The following RNF182 variants were observed in gnomAD, a reference collection of about 807,000 sequenced individuals.
RNF182 encodes ring finger protein 182, also known as E3 ubiquitin-protein ligase RNF182.
Under a neutral mutation model 14.4 loss-of-function variants are expected in RNF182, and 15 were observed. That is an observed-to-expected ratio of 1.04 (90% CI 0.70 to 1.60). The LOEUF (loss-of-function observed/expected upper bound fraction) is 1.60, where lower values mean the gene tolerates loss of function less well. RNF182 is among the 40% of genes most tolerant of loss of function. RNF182 has a pLI of 0.00. For synonymous variants in RNF182, 128 were observed against 122.9 expected (o/e 1.04, Z -0.27); for missense variants, 268 against 294.8 (o/e 0.91, Z 0.67).
intron 1 of RNF182, among the ~76,000 whole-genome samples, chr6:13,939,006 C>T (rs1759215213): frequency 6.6e-6 from 1 of 152,128 alleles, no homozygotes; most frequent in Non-Finnish European, 1.5e-5. Context: ...TTGCTTGAAC[C>T]CAGGAGGCAG....
At chr6:13,941,332 C>G (rs1260712872) in intron 1 of RNF182, among the ~76,000 whole-genome samples, 2 of 152,112 alleles carry the variant, frequency 1.3e-5, no homozygotes, top group Admixed American at 6.5e-5. Flanking sequence ...TCTTGACTTA[C>G]TGTCTACAGG....
At chr6:13,946,454 C>T (rs896467076) in intron 1 of RNF182, among the ~76,000 whole-genome samples, 1 of 152,126 alleles carries the variant, frequency 6.6e-6, no homozygotes, top group Non-Finnish European at 1.5e-5. Context: ...CATGAGCCAC[C>T]GTACCTGACT....
At chr6:13,933,827 G>T (rs781537355) in intron 1 of RNF182, among the ~76,000 whole-genome samples, 1 of 152,056 alleles carries the variant, frequency 6.6e-6, no homozygotes, top group Non-Finnish European at 1.5e-5. Flanking sequence ...AGACCAACCT[G>T]GCCAATGTGG....
At chr6:13,972,304 C>CAAA (rs1162936847) in intron 1 of RNF182, among the ~76,000 whole-genome samples, 1 of 61,094 alleles carries the variant, frequency 1.6e-5, no homozygotes, top group African/African-American at 5.9e-5. Flanking sequence ...GACTCTGTCT[C>CAAA]AAAAAAAAAA....
intron 1 of RNF182, 30 bp downstream of exon 1, chr6:13,925,053 G>C (rs1003847063): frequency 1.4e-5 from 2 of 147,672 alleles, no homozygotes; most frequent in African/African-American, 4.9e-5. Flanking sequence ...GGCCGGGGAG[G>C]GGTCGGCGGG....
intron 1 of RNF182, among the ~76,000 whole-genome samples, chr6:13,973,614 A>C (rs1029523456): frequency 6.6e-6 from 1 of 152,134 alleles, no homozygotes; most frequent in Non-Finnish European, 1.5e-5. Flanking sequence ...TTTGCTTGGC[A>C]TTCATTGTCT....
intron 1 of RNF182, among the ~76,000 whole-genome samples, chr6:13,960,668 T>A (rs1170386317): frequency 3.3e-3 from 332 of 102,148 alleles, no homozygotes; most frequent in Middle Eastern, 0.023. Context: ...TGTGTGTGTG[T>A]GTGTGTGTGT....
chr6:13,933,282 G>A (rs569559327), intron 1 of RNF182, among the ~76,000 whole-genome samples: 10 of 152,250 alleles, frequency 6.6e-5, no homozygotes, highest in African/African-American at 2.2e-4. Context: ...CCTGGAGGCC[G>A]AAGCAGGAAG....
At chr6:13,958,351 A>G (rs918438055) in intron 1 of RNF182, among the ~76,000 whole-genome samples, 2 of 152,124 alleles carry the variant, frequency 1.3e-5, no homozygotes, top group African/African-American at 4.8e-5. Flanking sequence ...GCACCACTGC[A>G]CTCCAGCCTG....
At position 13,977,016 on chromosome 6, in the gene RNF182, G is replaced by A. The variant is rs964402542; in HGVS notation, c.-104G>A. 2.4e-6 allele frequency: 3 copies of A among 1,242,114 alleles called. No individual in the cohort carries two copies. The highest frequency in any genetic ancestry group is 3.4e-6 in the Non-Finnish European group (3 of 891,928). 76.9% of individuals were successfully genotyped at this position (1,242,114 alleles called of 1,614,324 possible). On this transcript the variant is annotated 5_prime_UTR_variant, in exon 3 of 3. Transcript: ENST00000488300. Reference sequence around the variant, plus strand: ...CTTTCACTACTTATCCTGCCTTTTTGCATCGCTGCCAGATTTGGATGATAT... The same window carrying A: ...CTTTCACTACTTATCCTGCCTTTTTACATCGCTGCCAGATTTGGATGATAT...
intron 1 of RNF182, among the ~76,000 whole-genome samples, chr6:13,932,564 G>A (rs1006215101): frequency 6.6e-6 from 1 of 152,054 alleles, no homozygotes; most frequent in African/African-American, 2.4e-5. Context: ...TATGACTCAA[G>A]TAAGTAAAAC....
Position 13,961,795 on chromosome 6 carries a change from T to C in RNF182, c.-366-12415T>C, listed in dbSNP as rs548543793. 5.9e-5 allele frequency among the ~76,000 whole-genome samples: 9 copies of C among 152,312 alleles called. No individual in the cohort carries two copies. In the South Asian group the frequency reaches 1.9e-3, roughly 32 times the overall value. ...TGGAGGAGGGGGGAGGTAAGAGTTT[T>C]AATTGTTGAGGGAGGCTTTCTGGAA... is the stretch of plus-strand genomic sequence containing the variant. On this transcript the variant is annotated intron_variant, in intron 1 of 2. Coordinates refer to ENST00000488300, the MANE Select transcript of RNF182 (RefSeq NM_152737.4).
chr6:13,971,207 A>T (rs1760170902), intron 1 of RNF182, among the ~76,000 whole-genome samples: 1 of 152,092 alleles, frequency 6.6e-6, no homozygotes, highest in East Asian at 1.9e-4. Context: ...CCAGGTGGAG[A>T]TAATTGAATT....
chr6:13,932,647 C>T (rs1331910660), intron 1 of RNF182, among the ~76,000 whole-genome samples: 2 of 152,074 alleles, frequency 1.3e-5, no homozygotes, highest in Admixed American at 6.5e-5. Context: ...TAGACATAGT[C>T]AAATACTCCT....
In RNF182 at chr6:13,977,959, A is replaced by G. The variant is rs1760383510; in HGVS notation, c.*96A>G. ...ATTTTCTTTTATGTTCTTTATGATT[A>G]GTATCCATGACATTAACAAAACCCT... On this transcript the variant is annotated 3_prime_UTR_variant, in exon 3 of 3. Transcript: ENST00000488300. 1 of 1,305,492 alleles carries G rather than the reference A, an allele frequency of 7.7e-7. No homozygotes were observed. The highest frequency in any genetic ancestry group is 1.0e-6 in the Non-Finnish European group (1 of 953,452). 80.9% of individuals were successfully genotyped at this position (1,305,492 alleles called of 1,614,324 possible). A position where few individuals can be genotyped will look rare whatever the true frequency, so the allele number is the denominator to read the frequency against.
In RNF182 at chr6:13,944,746, A is replaced by G. The variant is rs115710637; in HGVS notation, c.-367+19723A>G. Reference sequence around the variant, plus strand: ...GTGAGGTCAGTACTGTCTCTATGTTACAATCAAGAGACAGAAGCACAGATA... The same window carrying G: ...GTGAGGTCAGTACTGTCTCTATGTTGCAATCAAGAGACAGAAGCACAGATA... On this transcript the variant is annotated intron_variant, in intron 1 of 2. Transcript: ENST00000488300. Among the ~76,000 whole-genome samples the G allele has an allele frequency of 1.5e-3, 225 of 152,344 alleles. 1 individual carries two copies. Among genetic ancestry groups the G allele is most frequent in the African/African-American group, 5.2e-3 (215 of 41,588 alleles).
chr6:13,953,655 A>G (rs566393315), intron 1 of RNF182, among the ~76,000 whole-genome samples: 1 of 152,324 alleles, frequency 6.6e-6, no homozygotes, highest in South Asian at 2.1e-4. Context: ...GTAGACAATC[A>G]GGAGAGATTA....
At chr6:13,953,082 C>T (rs1759636650) in intron 1 of RNF182, among the ~76,000 whole-genome samples, 3 of 152,154 alleles carry the variant, frequency 2.0e-5, no homozygotes, top group African/African-American at 7.2e-5. Context: ...TTTCCTGGGT[C>T]TGTTATTTAC....
intron 1 of RNF182, among the ~76,000 whole-genome samples, chr6:13,941,979 T>C (rs1397284868): frequency 6.6e-6 from 1 of 152,206 alleles, no homozygotes; most frequent in East Asian, 1.9e-4. Context: ...GATTATTTTC[T>C]TTCTGCTGGA....
Sources: gnomAD v4.1 joint callset for allele counts (sites outside exome capture counted in the v4.1 genomes callset) on GRCh38, gnomAD v4.1.1 for gene constraint, MANE v1.5 for transcripts, NCBI Gene and HGNC (gene_info 2026-07-23, HGNC 2026-07-21) for gene names.